Variants in ANK2 observed in about 807,000 individuals in gnomAD.
ANK2 encodes the protein ankyrin-2.
ANK2 carries 83 observed loss-of-function variants against 360.5 expected under a neutral mutation model. The ratio of observed to expected loss-of-function variants is 0.23; its 90% confidence interval spans 0.19 to 0.28. ANK2 has a LOEUF of 0.28. ANK2 is among the 10% of genes least tolerant of loss of function. ANK2 has a pLI of 1.00. For synonymous variants in ANK2, 1,740 were observed against 1,759.5 expected (o/e 0.99, Z 0.28); for missense variants, 4,201 against 4,795.7 (o/e 0.88, Z 3.66).
At chr4:112,821,097 T>C (rs2056885043) in intron 1 of ANK2, among the ~76,000 whole-genome samples, 1 of 152,130 alleles carries the variant, frequency 6.6e-6, no homozygotes, top group Admixed American at 6.5e-5. Flanking sequence ...GTATTTTTAG[T>C]AGAGACGGGG....
intron 29 of ANK2, among the ~76,000 whole-genome samples, chr4:113,334,641 TAGA>T (rs2093202500): frequency 2.6e-5 from 3 of 115,360 alleles, no homozygotes; most frequent in Non-Finnish European, 4.8e-5. Flanking sequence ...AATCTATTAC[TAGA>T]AGGTTAATAG....
chr4:113,118,345 C>T (rs2095040129), intron 1 of ANK2, among the ~76,000 whole-genome samples: 1 of 152,138 alleles, frequency 6.6e-6, no homozygotes, highest in Non-Finnish European at 1.5e-5. Context: ...AAACATAGCT[C>T]TGGGATTAGG....
chr4:113,223,430 G>C (rs1037159491), intron 4 of ANK2, among the ~76,000 whole-genome samples: 1 of 152,028 alleles, frequency 6.6e-6, no homozygotes, highest in Non-Finnish European at 1.5e-5. Flanking sequence ...TGTTGGACTT[G>C]GTTATGTAAC....
chr4:112,990,478 G>T (rs191371280), intron 2 of ANK2, among the ~76,000 whole-genome samples: 39 of 151,702 alleles, frequency 2.6e-4, no homozygotes, highest in African/African-American at 9.2e-4. Flanking sequence ...CAGCATGTTT[G>T]TCAGAGGGTT....
intron 45 of ANK2, 74 bp downstream of exon 45, chr4:113,373,523 T>G: frequency 3.4e-6 from 5 of 1,453,592 alleles, no homozygotes; most frequent in Non-Finnish European, 3.9e-6. Context: ...ATGAGTGAGA[T>G]TGTTTATTCA....
chr4:113,086,181 C>A (rs2084647201), intron 1 of ANK2, among the ~76,000 whole-genome samples: 1 of 152,158 alleles, frequency 6.6e-6, no homozygotes, highest in Admixed American at 6.5e-5. Flanking sequence ...CCACTGCATC[C>A]TGTTAATATA....
chr4:112,706,932 G>T, the ANK2 span: 1 of 152,158 alleles, frequency 6.6e-6, no homozygotes, highest in South Asian at 2.1e-4. Flanking sequence ...TACTCCATCT[G>T]GTTGTGATCT....
chr4:113,311,681 C>T (rs1036908870), intron 24 of ANK2, among the ~76,000 whole-genome samples: 1 of 152,066 alleles, frequency 6.6e-6, no homozygotes, highest in East Asian at 1.9e-4. Context: ...TTAAATGTGG[C>T]GTTTTTCATC....
intron 1 of ANK2, chr4:113,160,291 C>G (rs2097477400): frequency 5.0e-6 from 2 of 403,148 alleles, no homozygotes; most frequent in African/African-American, 2.1e-5. Context: ...TCTCAAACTC[C>G]TGGAGCTCAA....
chr4:113,136,413 A>G (rs1351943551), intron 1 of ANK2, among the ~76,000 whole-genome samples: 2 of 152,156 alleles, frequency 1.3e-5, no homozygotes, highest in Non-Finnish European at 2.9e-5. Flanking sequence ...AAACTGGAAT[A>G]CGCTAGGAAT....
chr4:113,320,639 A>G (rs2085630987), intron 26 of ANK2, among the ~76,000 whole-genome samples: 1 of 152,104 alleles, frequency 6.6e-6, no homozygotes, highest in African/African-American at 2.4e-5. Context: ...TGGGTGACAG[A>G]GTGAGACTCC....
chr4:113,114,995 A>C (rs2154367913), intron 1 of ANK2, among the ~76,000 whole-genome samples: 1 of 152,324 alleles, frequency 6.6e-6, no homozygotes, highest in South Asian at 2.1e-4. Context: ...TTTTTTTAAA[A>C]GTAGAAGGAA....
rs1372543797 is a variant in ANK2 at position 113,381,652 on chromosome 4, G to T, written c.*181G>T. The T allele has an allele frequency of 6.5e-7, 1 of 1,543,378 alleles. No individual in the cohort carries two copies. The highest frequency in any genetic ancestry group is 2.0e-5 in the Admixed American group (1 of 51,068). ...AAGAGGCCAAGTGAGGGGCTGCCCA[G>T]TTCTCACACCAGAAACCACACATTC... On this transcript the variant is annotated 3_prime_UTR_variant, in exon 46 of 46. Coordinates refer to ENST00000357077, the MANE Select transcript of ANK2 (RefSeq NM_001148.6).
At chr4:113,276,902 TG>T (rs1316428396) in intron 15 of ANK2, among the ~76,000 whole-genome samples, 2 of 152,176 alleles carry the variant, frequency 1.3e-5, no homozygotes, top group African/African-American at 2.4e-5. Context: ...TTACAGGCCC[TG>T]ATCGGTGTTA....
intron 1 of ANK2, among the ~76,000 whole-genome samples, chr4:113,114,178 G>GAA (rs2094547757): frequency 6.6e-6 from 1 of 152,084 alleles, no homozygotes; most frequent in Non-Finnish European, 1.5e-5. Flanking sequence ...AGGGCTTTTT[G>GAA]AGTGGGTTCC....
At chr4:113,258,625 C>G (rs2050835969) in intron 13 of ANK2, among the ~76,000 whole-genome samples, 1 of 152,116 alleles carries the variant, frequency 6.6e-6, no homozygotes, top group Non-Finnish European at 1.5e-5. Flanking sequence ...AAAATGGAAG[C>G]TATGAAGTGA....
chr4:113,334,121 G>A (rs796641214), intron 29 of ANK2, among the ~76,000 whole-genome samples: 36 of 152,296 alleles, frequency 2.4e-4, no homozygotes, highest in African/African-American at 8.2e-4. Flanking sequence ...ACTAGTTTCA[G>A]ATATGGCTTA....
chr4:113,382,583 A>C lies in ANK2; in HGVS notation c.*1112A>C, dbSNP rs1362588554. 6.6e-6 allele frequency: 1 copy of C among 152,132 alleles called. No individual in the cohort carries two copies. Among genetic ancestry groups the C allele is most frequent in the Non-Finnish European group, 1.5e-5 (1 of 67,964 alleles). 9.4% of individuals were successfully genotyped at this position (152,132 alleles called of 1,614,324 possible). On this transcript the variant is annotated 3_prime_UTR_variant, in exon 46 of 46. Transcript: ENST00000357077. ...AATTCATTGGAAACAAGATTTACCC[A>C]CTACATAAAAGGTTAAACTCCTTCA...
intron 1 of ANK2, among the ~76,000 whole-genome samples, chr4:113,142,051 C>G (rs1238519579): frequency 6.6e-6 from 1 of 152,166 alleles, no homozygotes; most frequent in Non-Finnish European, 1.5e-5. Context: ...TATTTGCTTT[C>G]TGAGTAATTT....
Sources: allele counts gnomAD v4.1 joint callset (sites outside exome capture counted in the v4.1 genomes callset), GRCh38; gene constraint gnomAD v4.1.1; transcripts MANE v1.5; gene names NCBI Gene and HGNC (gene_info 2026-07-23, HGNC 2026-07-21).